The following BCAT1 variants were observed in gnomAD, a reference collection of about 807,000 sequenced individuals.
BCAT1 encodes branched chain amino acid transaminase 1, also known as branched-chain-amino-acid aminotransferase, cytosolic.
In BCAT1, 48 loss-of-function variants were observed where a neutral mutation model predicts 52.4. The observed-to-expected ratio is 0.92, with a 90% CI of 0.73 to 1.16. The LOEUF is 1.16. Ranked by LOEUF, BCAT1 falls within the 50% of genes most tolerant of loss-of-function variation. The probability of loss-of-function intolerance (pLI) is 0.00; values close to 1 mark genes in which losing one functional copy is unlikely to be tolerated. For missense variants in BCAT1, 451 were observed against 457.1 expected, an observed-to-expected ratio of 0.99 and a Z score of 0.12; for synonymous variants, 167 against 161.3, an observed-to-expected ratio of 1.04 and a Z score of -0.27.
rs543438401 is a variant in BCAT1 at position 24,921,423 on chromosome 12, G to GGT, written c.7-19540_7-19539dup. Among the ~76,000 whole-genome samples the GGT allele has an allele frequency of 8.1e-4, 124 of 152,226 alleles. 1 individual carries two copies. The highest frequency in any genetic ancestry group is 2.9e-3 in the African/African-American group (120 of 41,532). ...TAGGGTTCCTTAGATGTTCAGACTT[G>GGT]GTGTGATCCTCCAGTGAGTTAAAAC... On this transcript the variant is annotated intron_variant, in intron 1 of 10. Coordinates refer to ENST00000261192, the MANE Select transcript of BCAT1 (RefSeq NM_005504.7).
Position 24,830,871 on chromosome 12 carries a change from T to C in BCAT1, c.1045-974A>G, listed in dbSNP as rs1035113293. ...ATGCAATTATGTCAAGAGCAATCCCTTAAAAGCAAGTTCTAAAACCTCAAC... is the reference window on the plus strand; with the variant it reads ...ATGCAATTATGTCAAGAGCAATCCCCTAAAAGCAAGTTCTAAAACCTCAAC... On this transcript the variant is annotated intron_variant, in intron 9 of 10. Coordinates refer to ENST00000261192, the MANE Select transcript of BCAT1 (RefSeq NM_005504.7). 1.3e-5 allele frequency: 2 copies of C among 152,198 alleles called. 1 individual carries two copies. Among genetic ancestry groups the C allele is most frequent in the South Asian group, 4.1e-4 (2 of 4,830 alleles). 9.4% of individuals were successfully genotyped at this position (152,198 alleles called of 1,614,324 possible). A position where few individuals can be genotyped will look rare whatever the true frequency, so the allele number is the denominator to read the frequency against.
At chr12:24,877,605 A>G (rs561598716) in intron 5 of BCAT1, among the ~76,000 whole-genome samples, 2 of 152,070 alleles carry the variant, frequency 1.3e-5, no homozygotes, top group Non-Finnish European at 2.9e-5. Flanking sequence ...CCATTTTTCT[A>G]TGTGGGAAGG....
At chr12:24,862,908 C>T (rs988276145) in intron 5 of BCAT1, among the ~76,000 whole-genome samples, 2 of 152,128 alleles carry the variant, frequency 1.3e-5, no homozygotes, top group African/African-American at 4.8e-5. Context: ...GCCTGATTTC[C>T]TTTAGTTCTA....
At chr12:24,835,330 G>A (rs1231551386) in intron 8 of BCAT1, among the ~76,000 whole-genome samples, 1 of 152,044 alleles carries the variant, frequency 6.6e-6, no homozygotes, top group Non-Finnish European at 1.5e-5. Context: ...AAACCATGCT[G>A]GTATGCTCCT....
intron 5 of BCAT1, among the ~76,000 whole-genome samples, chr12:24,858,093 A>G (rs112115709): frequency 1.3e-5 from 2 of 152,158 alleles, no homozygotes; most frequent in Admixed American, 6.5e-5. Flanking sequence ...GCACCTGTTT[A>G]TTAGGCCCCA....
chr12:24,901,677 T>C, intron 2 of BCAT1, 137 bp downstream of exon 2: 1 of 868,354 alleles, frequency 1.2e-6, no homozygotes, highest in Non-Finnish European at 1.8e-6. Flanking sequence ...CCTCTAAGAG[T>C]GGAATTTTAA....
rs1939835677 is a variant in BCAT1 at position 24,815,248 on chromosome 12, A to G, written c.*2760T>C. On this transcript the variant is annotated 3_prime_UTR_variant, in exon 11 of 11. Transcript: ENST00000261192. ...AAAAGTGAAAGGAAGAGAACATGCAATATAAGTTAATCATTATCATTTTAA... is the reference window on the plus strand; with the variant it reads ...AAAAGTGAAAGGAAGAGAACATGCAGTATAAGTTAATCATTATCATTTTAA... The G allele has an allele frequency of 6.6e-6, 1 of 152,292 alleles. No individual in the cohort carries two copies. Among genetic ancestry groups the G allele is most frequent in the African/African-American group, 2.4e-5 (1 of 41,464 alleles). The allele number at this position is 152,292 out of a possible 1,614,324, so 9.4% of individuals were successfully genotyped here.
chr12:24,910,510 T>G (rs1591867770), intron 1 of BCAT1, among the ~76,000 whole-genome samples: 1 of 152,324 alleles, frequency 6.6e-6, no homozygotes, highest in East Asian at 1.9e-4. Flanking sequence ...ACATGCTTAT[T>G]TCATTATTTA....
At chr12:24,888,372 A>G (rs2139630360) in intron 3 of BCAT1, among the ~76,000 whole-genome samples, 3 of 152,202 alleles carry the variant, frequency 2.0e-5, no homozygotes, top group Admixed American at 2.0e-4. Context: ...GGTGGTGGGC[A>G]CCTATAATCC....
intron 5 of BCAT1, among the ~76,000 whole-genome samples, chr12:24,862,373 C>G (rs1488427616): frequency 1.3e-5 from 2 of 152,184 alleles, no homozygotes; most frequent in Admixed American, 6.5e-5. Context: ...TATCAACCAC[C>G]TGCCTGACAC....
chr12:24,901,556 G>A (rs1419471375), intron 2 of BCAT1, among the ~76,000 whole-genome samples: 24 of 152,082 alleles, frequency 1.6e-4, no homozygotes, highest in Admixed American at 1.5e-3. Context: ...TAATATTTAC[G>A]CATTGACTAT....
rs1353275189 is a variant in BCAT1, at chr12:24,817,760, T to C, written c.*248A>G. ...TCATTGAGGAAAATCCCATGTTATA[T>C]GGCTTACATTAATGTTTTTCTAGGT... On this transcript the variant is annotated 3_prime_UTR_variant, in exon 11 of 11. Transcript: ENST00000261192. 2.2e-6 allele frequency: 1 copy of C among 464,984 alleles called. No individual in the cohort carries two copies. Among genetic ancestry groups the C allele is most frequent in the Non-Finnish European group, 3.9e-6 (1 of 259,190 alleles). The allele number at this position is 464,984 out of a possible 1,614,324, so 28.8% of individuals were successfully genotyped here. A position where few individuals can be genotyped will look rare whatever the true frequency, so the allele number is the denominator to read the frequency against.
chr12:24,853,642 A>C (rs1338014260), intron 5 of BCAT1, among the ~76,000 whole-genome samples: 1 of 152,214 alleles, frequency 6.6e-6, no homozygotes, highest in African/African-American at 2.4e-5. Context: ...GTTTCACACA[A>C]GAGTATTTTA....
chr12:24,870,502 A>G (rs1422074863), intron 5 of BCAT1, among the ~76,000 whole-genome samples: 2 of 152,318 alleles, frequency 1.3e-5, no homozygotes, highest in East Asian at 1.9e-4. Context: ...ACCGCCATCA[A>G]TATGCACTCA....
At chr12:24,875,249 G>A (rs537975538) in intron 5 of BCAT1, among the ~76,000 whole-genome samples, 38 of 152,248 alleles carry the variant, frequency 2.5e-4, no homozygotes, top group Middle Eastern at 3.4e-3. Context: ...CATGAATTGC[G>A]TAACATCTGT....
intron 10 of BCAT1, among the ~76,000 whole-genome samples, chr12:24,821,550 C>T (rs146454170): frequency 1.3e-5 from 2 of 152,160 alleles, no homozygotes; most frequent in South Asian, 4.1e-4. Flanking sequence ...TTATTCAAGA[C>T]CTTCCTCCCA....
Position 24,836,504 on chromosome 12 carries a change from C to T in BCAT1, c.903+7G>A, listed in dbSNP as rs151063951. 3.9e-5 allele frequency: 62 copies of T among 1,608,538 alleles called. No homozygotes were observed. In the East Asian group the frequency reaches 1.3e-3, roughly 35 times the overall value. On this transcript the variant is annotated splice_region_variant and intron_variant, in intron 8 of 10. Transcript: ENST00000261192. The stretch of plus-strand genomic sequence containing the variant: ...TTACAAAAGTTGTTCATATCAAAGG[C>T]ACCCACCCACTGATGTGCCAGGTCC...
Position 24,816,826 on chromosome 12 carries a change from C to T in BCAT1, c.*1182G>A, listed in dbSNP as rs922379287. The T allele has an allele frequency of 2.8e-5, 10 of 358,016 alleles. No homozygotes were observed. Among genetic ancestry groups the T allele is most frequent in the African/African-American group, 1.3e-4 (6 of 47,812 alleles). The allele number at this position is 358,016 out of a possible 1,614,324, so 22.2% of individuals were successfully genotyped here. ...TCAAGCATTAGATTCTCATAAGGAG[C>T]GCATAGCCTAGATCCCTTGCATGCA... is the stretch of plus-strand genomic sequence containing the variant. On this transcript the variant is annotated 3_prime_UTR_variant, in exon 11 of 11. Transcript: ENST00000261192.
chr12:24,921,042 C>T (rs569668530), intron 1 of BCAT1, among the ~76,000 whole-genome samples: 1 of 152,238 alleles, frequency 6.6e-6, no homozygotes, highest in South Asian at 2.1e-4. Context: ...TGCTTACCTT[C>T]CCGTGACCCT....
Sources: allele counts gnomAD v4.1 joint callset (sites outside exome capture counted in the v4.1 genomes callset), GRCh38; gene constraint gnomAD v4.1.1; transcripts MANE v1.5; gene names NCBI Gene and HGNC (gene_info 2026-07-23, HGNC 2026-07-21).